PTPRM: variants seen among roughly 807,000 people sequenced by gnomAD.
PTPRM encodes the protein protein tyrosine phosphatase receptor type M.
A neutral mutation model predicts 186.7 loss-of-function variants in PTPRM; 47 were observed. That is an observed-to-expected ratio of 0.25 (90% confidence interval 0.20 to 0.32). The LOEUF (loss-of-function observed/expected upper bound fraction) is 0.32. Among genes scored for constraint, PTPRM ranks in the 10% least tolerant of loss-of-function variants. PTPRM has a pLI of 1.00. For synonymous variants in PTPRM, 668 were observed against 674.9 expected, an observed-to-expected ratio of 0.99 and a Z score of 0.16; for missense variants, 1,494 against 1,865.0, an observed-to-expected ratio of 0.80 and a Z score of 3.66.
chr18:8,073,044 C>A (rs114264449), intron 8 of PTPRM, among the ~76,000 whole-genome samples: 4,513 of 152,240 alleles, frequency 0.03, 147 homozygotes, highest in African/African-American at 0.079. Context: ...GTCCATCCTT[C>A]TGAGATATCC....
At chr18:7,770,524 C>T (rs2042224975) in intron 1 of PTPRM, among the ~76,000 whole-genome samples, 1 of 152,194 alleles carries the variant, frequency 6.6e-6, no homozygotes, top group South Asian at 2.1e-4. Context: ...ACTCTTGTTA[C>T]ACTGACTTTA....
intron 14 of PTPRM, among the ~76,000 whole-genome samples, chr18:8,229,993 T>C (rs1266496615): frequency 3.3e-5 from 5 of 152,210 alleles, no homozygotes; most frequent in African/African-American, 1.2e-4. Flanking sequence ...TCATCTGAAA[T>C]AAAGTTGTAG....
At chr18:8,304,133 T>C (rs1358011113) in intron 20 of PTPRM, among the ~76,000 whole-genome samples, 2 of 152,234 alleles carry the variant, frequency 1.3e-5, no homozygotes, top group East Asian at 3.8e-4. Flanking sequence ...ATACACTCTA[T>C]TTCTGCCGCT....
intron 1 of PTPRM, among the ~76,000 whole-genome samples, chr18:7,753,241 G>C (rs2041309064): frequency 6.6e-6 from 1 of 151,962 alleles, no homozygotes. Context: ...CTTTTTCTAT[G>C]TGTGTCCGTA....
At chr18:8,268,426 A>G (rs1387590482) in intron 19 of PTPRM, among the ~76,000 whole-genome samples, 1 of 152,168 alleles carries the variant, frequency 6.6e-6, no homozygotes, top group Non-Finnish European at 1.5e-5. Flanking sequence ...AGGAGATTCA[A>G]TCACTAATCA....
intron 2 of PTPRM, among the ~76,000 whole-genome samples, chr18:7,850,802 G>T (rs2046823966): frequency 6.6e-6 from 1 of 152,150 alleles, no homozygotes; most frequent in African/African-American, 2.4e-5. Flanking sequence ...TTCTCTACAA[G>T]TTTTTATTTC....
chr18:7,664,220 C>G (rs1401759381), intron 1 of PTPRM, among the ~76,000 whole-genome samples: 4 of 152,222 alleles, frequency 2.6e-5, no homozygotes, highest in African/African-American at 9.6e-5. Flanking sequence ...GCAGCCCTCA[C>G]TGTGTGGAGG....
At chr18:8,259,286 A>G (rs557723836) in intron 19 of PTPRM, among the ~76,000 whole-genome samples, 42 of 152,318 alleles carry the variant, frequency 2.8e-4, no homozygotes, top group African/African-American at 8.9e-4. Context: ...TCTCCTGGGC[A>G]CAAACACTGT....
At chr18:8,186,342 AAAAG>A (rs1379486453) in intron 14 of PTPRM, among the ~76,000 whole-genome samples, 1 of 151,838 alleles carries the variant, frequency 6.6e-6, no homozygotes, top group African/African-American at 2.4e-5. Context: ...AAAAAAAAAA[AAAAG>A]AATGAAAAGT....
chr18:7,905,136 G>C (rs551246386), intron 3 of PTPRM, among the ~76,000 whole-genome samples: 2 of 152,144 alleles, frequency 1.3e-5, no homozygotes, highest in Non-Finnish European at 2.9e-5. Flanking sequence ...TGGGATTACA[G>C]GCGTATGCCA....
intron 14 of PTPRM, among the ~76,000 whole-genome samples, chr18:8,234,596 C>A (rs1216438052): frequency 6.6e-6 from 1 of 152,108 alleles, no homozygotes; most frequent in Non-Finnish European, 1.5e-5. Flanking sequence ...ATGGCATTAG[C>A]TAACTGAGAC....
chr18:7,769,924 A>T (rs755493337), intron 1 of PTPRM, among the ~76,000 whole-genome samples: 4 of 152,198 alleles, frequency 2.6e-5, no homozygotes, highest in Non-Finnish European at 4.4e-5. Context: ...AGAATGAGTG[A>T]TGCCAACACC....
chr18:8,080,702 G>T (rs1006410627), intron 9 of PTPRM, among the ~76,000 whole-genome samples: 2 of 152,058 alleles, frequency 1.3e-5, no homozygotes, highest in African/African-American at 2.4e-5. Flanking sequence ...AGAATTTAGG[G>T]GCCATGTTAA....
chr18:7,618,095 C>T (rs2037850281), intron 1 of PTPRM, among the ~76,000 whole-genome samples: 1 of 152,108 alleles, frequency 6.6e-6, no homozygotes, highest in Non-Finnish European at 1.5e-5. Flanking sequence ...TTAATAAGAA[C>T]ATTTTATTTT....
intron 14 of PTPRM, among the ~76,000 whole-genome samples, chr18:8,169,077 G>A (rs984042178): frequency 6.6e-6 from 1 of 152,150 alleles, no homozygotes; most frequent in African/African-American, 2.4e-5. Flanking sequence ...CTAGGAGATA[G>A]TTTCCTTAGA....
intron 2 of PTPRM, among the ~76,000 whole-genome samples, chr18:7,857,907 A>G (rs1370339097): frequency 6.6e-6 from 1 of 152,194 alleles, no homozygotes; most frequent in Non-Finnish European, 1.5e-5. Flanking sequence ...TGGAACCCTG[A>G]AAAAGTAAAG....
chr18:7,838,501 A>G (rs1297682634), intron 2 of PTPRM, among the ~76,000 whole-genome samples: 1 of 152,192 alleles, frequency 6.6e-6, no homozygotes, highest in Admixed American at 6.5e-5. Flanking sequence ...CTCTTCCCTT[A>G]ATTTATCTCC....
At chr18:7,755,861 G>C (rs1052395169) in intron 1 of PTPRM, among the ~76,000 whole-genome samples, 1 of 152,208 alleles carries the variant, frequency 6.6e-6, no homozygotes, top group African/African-American at 2.4e-5. Flanking sequence ...AGAGGCTGCT[G>C]TGGTCATACA....
chr18:7,730,568 G>T (rs1271094807), intron 1 of PTPRM, among the ~76,000 whole-genome samples: 2 of 152,198 alleles, frequency 1.3e-5, no homozygotes, highest in Non-Finnish European at 2.9e-5. Context: ...AGTGTAGCTG[G>T]TCTGTATCAC....
Sources: gnomAD v4.1 joint callset for allele counts (sites outside exome capture counted in the v4.1 genomes callset) on GRCh38, gnomAD v4.1.1 for gene constraint, MANE v1.5 for transcripts, NCBI Gene and HGNC (gene_info 2026-07-23, HGNC 2026-07-21) for gene names.